The following ARHGEF33 variants were observed in gnomAD, a reference collection of about 807,000 sequenced individuals.
ARHGEF33 encodes Rho guanine nucleotide exchange factor 33.
A neutral mutation model predicts 101.9 loss-of-function variants in ARHGEF33; 72 were observed. That is an observed-to-expected ratio of 0.71 (90% CI 0.58 to 0.86). The LOEUF (loss-of-function observed/expected upper bound fraction) is 0.86. Ranked by LOEUF, ARHGEF33 falls within the 40% of genes least tolerant of loss-of-function variation. The pLI is 0.00. For synonymous variants in ARHGEF33, 499 were observed against 442.5 expected, an observed-to-expected ratio of 1.13 and a Z score of -1.60; for missense variants, 1,169 against 1,111.3, an observed-to-expected ratio of 1.05 and a Z score of -0.74.
At chr2:38,897,347 A>G (rs1423142223) in intron 2 of ARHGEF33, among the ~76,000 whole-genome samples, 2 of 152,252 alleles carry the variant, frequency 1.3e-5, no homozygotes, top group Admixed American at 1.3e-4. Context: ...AAATAAAAAA[A>G]CAGAGGAAGT....
At chr2:38,895,198 A>G (rs190424466) in intron 1 of ARHGEF33, among the ~76,000 whole-genome samples, 2 of 152,364 alleles carry the variant, frequency 1.3e-5, no homozygotes, top group African/African-American at 4.8e-5. Flanking sequence ...ACCGAAGTCC[A>G]GGAAGATTCA....
chr2:38,958,495 T>C (rs1178569679), intron 15 of ARHGEF33, among the ~76,000 whole-genome samples: 1 of 152,188 alleles, frequency 6.6e-6, no homozygotes, highest in African/African-American at 2.4e-5. Context: ...AGCCAAAATA[T>C]GAAACCCCTA....
chr2:38,925,766 T>G (rs929676330), intron 4 of ARHGEF33, among the ~76,000 whole-genome samples: 1 of 152,188 alleles, frequency 6.6e-6, no homozygotes, highest in Non-Finnish European at 1.5e-5. Flanking sequence ...TATAGAATCA[T>G]AGGAATTGGG....
At chr2:38,930,076 T>C (rs1666961605) in intron 6 of ARHGEF33, among the ~76,000 whole-genome samples, 1 of 152,240 alleles carries the variant, frequency 6.6e-6, no homozygotes, top group South Asian at 2.1e-4. Flanking sequence ...GCATGAATGC[T>C]TTGATTACAA....
chr2:38,919,830 A>G (rs12476427), intron 3 of ARHGEF33, among the ~76,000 whole-genome samples: 6,878 of 152,284 alleles, frequency 0.045, 297 homozygotes, highest in East Asian at 0.21. Context: ...AACTATATAG[A>G]AGTAGATTCT....
At chr2:38,897,972 T>C (rs1002983002) in intron 2 of ARHGEF33, among the ~76,000 whole-genome samples, 1 of 152,166 alleles carries the variant, frequency 6.6e-6, no homozygotes, top group African/African-American at 2.4e-5. Context: ...TCTCCAGAGC[T>C]GGGCAGAAGC....
rs192092334 is a variant in ARHGEF33, at chr2:38,893,399, A to T, written c.-158-2378A>T. Among the ~76,000 whole-genome samples the T allele has an allele frequency of 4.5e-3, 678 of 152,134 alleles. 4 individuals are homozygous for T. Among genetic ancestry groups the T allele is most frequent in the African/African-American group, 0.016 (653 of 41,492 alleles). The stretch of plus-strand genomic sequence containing the variant: ...GATCTCGAACTCCTGAGCTCAAGCG[A>T]TTTACCTGCCTCAGCCTCCCAAAAT... On this transcript the variant is annotated intron_variant, in intron 1 of 17. Transcript: ENST00000409978.
intron 16 of ARHGEF33, among the ~76,000 whole-genome samples, chr2:38,963,420 C>T (rs1667989208): frequency 6.6e-6 from 1 of 152,150 alleles, no homozygotes; most frequent in African/African-American, 2.4e-5. Context: ...ACGTGACTGT[C>T]AGGAGCTCTA....
At chr2:38,963,642 A>G (rs1437115061) in intron 16 of ARHGEF33, among the ~76,000 whole-genome samples, 2 of 152,226 alleles carry the variant, frequency 1.3e-5, no homozygotes, top group East Asian at 1.9e-4. Context: ...TCCTTAAACC[A>G]TTAATAGATT....
chr2:38,960,226 G>A lies in ARHGEF33; in HGVS notation c.1921G>A (p.Glu641Lys). The A allele has an allele frequency of 6.5e-7, 1 of 1,547,654 alleles. No homozygotes were observed. The highest frequency in any genetic ancestry group is 8.7e-7 in the Non-Finnish European group (1 of 1,145,782). ...EEPFQAPALF[E>K]NCSPASSESS... ...GCCGTTCCAGGCTCCGGCCCTCTTC[G>A]AGAACTGCTCGCCTGCCTCCTCCGA... The change falls in exon 16 of 18, where the codon GAG (glutamate) becomes AAG (lysine). Residue 641 changes from glutamate (E) to lysine (K), a missense_variant. By Grantham distance (56) the Glu-to-Lys change is moderately conservative (BLOSUM62 1). Transcript: ENST00000409978.
chr2:38,893,339 T>C lies in ARHGEF33; in HGVS notation c.-158-2438T>C, dbSNP rs1572735030. On this transcript the variant is annotated intron_variant, in intron 1 of 17. Transcript: ENST00000409978. ...CACCATGGGCTAATTTTTGTACTTT[T>C]AGTAGAGACAGAGTTTCACTATGTT... Among the ~76,000 whole-genome samples, 2 of 152,194 alleles carry C rather than the reference T, an allele frequency of 1.3e-5. 1 individual carries two copies. Among genetic ancestry groups the C allele is most frequent in the Admixed American group, 1.3e-4 (2 of 15,290 alleles).
intron 1 of ARHGEF33, among the ~76,000 whole-genome samples, chr2:38,894,183 A>G (rs751127120): frequency 1.3e-5 from 2 of 152,072 alleles, no homozygotes; most frequent in Non-Finnish European, 2.9e-5. Flanking sequence ...AAACAAAAAA[A>G]TTAGCCAGGC....
intron 1 of ARHGEF33, among the ~76,000 whole-genome samples, chr2:38,893,254 C>G (rs1352067752): frequency 6.6e-6 from 1 of 151,762 alleles, no homozygotes; most frequent in East Asian, 1.9e-4. Flanking sequence ...CCTCTGCCTC[C>G]TGGGTTCAAG....
chr2:38,931,556 T>C (rs1021762176), intron 7 of ARHGEF33, among the ~76,000 whole-genome samples: 1 of 152,144 alleles, frequency 6.6e-6, no homozygotes, highest in African/African-American at 2.4e-5. Context: ...ACAGAAATGT[T>C]AGAAAAAAAT....
intron 7 of ARHGEF33, among the ~76,000 whole-genome samples, chr2:38,932,800 C>T (rs574297560): frequency 6.6e-6 from 1 of 152,296 alleles, no homozygotes; most frequent in African/African-American, 2.4e-5. Context: ...ACAGCTGATC[C>T]AGATGATTTC....
Position 38,943,965 on chromosome 2 carries a change from T to C in ARHGEF33, c.855T>C (p.Ser285=). The change falls in exon 10 of 18, where the codon TCT becomes TCC. Residue 285 remains serine (S), a synonymous_variant. Coordinates refer to ENST00000409978, the MANE Select transcript of ARHGEF33 (RefSeq NM_001145451.5). ...ESERKYVINI[S]LILKIKATFQ... is the part of the protein sequence containing the mutation. Reference sequence around the variant, plus strand: ...AAAGAAAATATGTCATTAACATCTCTCTGATCTTGAAGATAAAAGCCACAT... The same window carrying C: ...AAAGAAAATATGTCATTAACATCTCCCTGATCTTGAAGATAAAAGCCACAT... 1 of 1,551,718 alleles carries C rather than the reference T, an allele frequency of 6.4e-7. No individual in the cohort carries two copies. Among genetic ancestry groups the C allele is most frequent in the East Asian group, 2.4e-5 (1 of 40,914 alleles).
At chr2:38,966,750 CGTT>C (rs1485796088) in intron 17 of ARHGEF33, among the ~76,000 whole-genome samples, 1 of 152,106 alleles carries the variant, frequency 6.6e-6, no homozygotes, top group Non-Finnish European at 1.5e-5. Flanking sequence ...GATTCTAAGT[CGTT>C]GTTGTGTAAA....
At chr2:38,967,742 A>ATTTTT (rs546430517) in intron 17 of ARHGEF33, among the ~76,000 whole-genome samples, 6 of 128,338 alleles carry the variant, frequency 4.7e-5, no homozygotes, top group African/African-American at 1.7e-4. Context: ...CGCCCTGGCT[A>ATTTTT]TTTTTTTTTT....
intron 2 of ARHGEF33, among the ~76,000 whole-genome samples, chr2:38,900,713 G>A (rs918023091): frequency 1.3e-5 from 2 of 152,142 alleles, no homozygotes; most frequent in African/African-American, 2.4e-5. Flanking sequence ...TTGCAGAGCC[G>A]ACGAGGTGGA....
Sources: allele counts gnomAD v4.1 joint callset (sites outside exome capture counted in the v4.1 genomes callset), GRCh38; gene constraint gnomAD v4.1.1; transcripts MANE v1.5; gene names NCBI Gene and HGNC (gene_info 2026-07-23, HGNC 2026-07-21).